Variants in PPP4R3B observed in about 807,000 individuals in gnomAD.
PPP4R3B encodes protein phosphatase 4 regulatory subunit 3B.
A neutral mutation model predicts 95.4 loss-of-function variants in PPP4R3B; 52 were observed. The ratio of observed to expected loss-of-function variants is 0.54; its 90% CI spans 0.44 to 0.69. PPP4R3B has a LOEUF of 0.69. PPP4R3B is among the 30% of genes least tolerant of loss of function. The pLI is 0.00. For missense variants in PPP4R3B, 1,003 were observed against 1,005.9 expected (o/e 1.00, Z 0.04); for synonymous variants, 407 against 343.9 (o/e 1.18, Z -2.03).
chr2:55,578,419 A>G (rs2104183953), intron 9 of PPP4R3B, 77 bp from the exon 10 acceptor site: 2 of 1,175,226 alleles, frequency 1.7e-6, no homozygotes, highest in Non-Finnish European at 2.2e-6. Flanking sequence ...TATTATCTAT[A>G]TATTTCTGTA....
intron 4 of PPP4R3B, 95 bp downstream of exon 4, chr2:55,598,321 T>A (rs1692080000): frequency 7.9e-7 from 1 of 1,261,916 alleles, no homozygotes; most frequent in South Asian, 1.6e-5. Context: ...ACAAAATAAA[T>A]CTTTCAAAAA....
chr2:55,614,175 T>G (rs1258113708), intron 2 of PPP4R3B: 1 of 152,224 alleles, frequency 6.6e-6, no homozygotes, highest in Non-Finnish European at 1.5e-5. Flanking sequence ...AATAATAAGC[T>G]GCACAACAGA....
chr2:55,598,778 T>C lies in PPP4R3B; in HGVS notation c.559A>G (p.Asn187Asp). 2 of 1,614,238 alleles carry C rather than the reference T, an allele frequency of 1.2e-6. No homozygotes were observed. Among genetic ancestry groups the C allele is most frequent in the Non-Finnish European group, 8.5e-7 (1 of 1,180,044 alleles). Residue 187 changes from asparagine to aspartate, a missense_variant, in exon 4 of 17, where the codon AAC (asparagine) becomes GAC (aspartate). Coordinates refer to ENST00000616407, the MANE Select transcript of PPP4R3B (RefSeq NM_001122964.3). The part of the protein sequence containing the change: ...QLFQACENLE[N>D]TEGLHHLYEI... ...TACAAATGGTGTAAGCCTTCAGTGT[T>C]TTCTAGGTTCTCGCAAGCTTGGAAC...
At position 55,549,324 on chromosome 2, in the gene PPP4R3B, A is replaced by G. The variant is rs1684995685; in HGVS notation, c.*587T>C. 2.0e-5 allele frequency: 3 copies of G among 152,784 alleles called. No homozygotes were observed. The South Asian group carries it at 6.2e-4, about 32-fold the overall frequency. The allele number at this position is 152,784 out of a possible 1,614,324, so 9.5% of individuals were successfully genotyped here. Reference sequence around the variant, plus strand: ...GAAAATTCCTGGTGTAGAAAACTCAACATGTGCTGAATACGGGGTGTACTT... The same window carrying G: ...GAAAATTCCTGGTGTAGAAAACTCAGCATGTGCTGAATACGGGGTGTACTT... On this transcript the variant is annotated 3_prime_UTR_variant, in exon 17 of 17. Coordinates refer to ENST00000616407, the MANE Select transcript of PPP4R3B (RefSeq NM_001122964.3).
intron 13 of PPP4R3B, among the ~76,000 whole-genome samples, chr2:55,566,331 C>T (rs1224260097): frequency 6.6e-6 from 1 of 152,110 alleles, no homozygotes; most frequent in Non-Finnish European, 1.5e-5. Context: ...GTACACAAAT[C>T]GACCACTCGA....
intron 12 of PPP4R3B, among the ~76,000 whole-genome samples, chr2:55,571,633 G>C (rs1394693858): frequency 6.6e-6 from 1 of 151,984 alleles, no homozygotes; most frequent in Non-Finnish European, 1.5e-5. Context: ...TTGTTTGTTT[G>C]TTTGTTTCTT....
chr2:55,599,050 C>A lies in PPP4R3B; in HGVS notation c.298-11G>T. The A allele has an allele frequency of 6.3e-7, 1 of 1,583,710 alleles. No homozygotes were observed. Among genetic ancestry groups the A allele is most frequent in the African/African-American group, 1.4e-5 (1 of 73,322 alleles). ...GTCTTTACCTTGAACCTAAAAATAT[C>A]CAAGTATACAGCTAATTACCTTAAA... On this transcript the variant is annotated splice_polypyrimidine_tract_variant and intron_variant, in intron 3 of 16. Coordinates refer to ENST00000616407, the MANE Select transcript of PPP4R3B (RefSeq NM_001122964.3).
chr2:55,570,832 C>G (rs529000226), intron 12 of PPP4R3B, among the ~76,000 whole-genome samples: 79 of 152,316 alleles, frequency 5.2e-4, no homozygotes, highest in African/African-American at 1.8e-3. Context: ...ACAATCTTCC[C>G]TCTTTTTGTG....
intron 2 of PPP4R3B, among the ~76,000 whole-genome samples, chr2:55,605,226 C>A (rs1454803600): frequency 6.6e-6 from 1 of 152,078 alleles, no homozygotes; most frequent in Non-Finnish European, 1.5e-5. Flanking sequence ...TTTAACGTGG[C>A]TAAAACTTTG....
intron 13 of PPP4R3B, among the ~76,000 whole-genome samples, chr2:55,566,237 T>TA (rs1687283136): frequency 6.6e-6 from 1 of 152,092 alleles, no homozygotes; most frequent in Admixed American, 6.5e-5. Context: ...TGAAAAAAAA[T>TA]ACGCAAATCA....
At chr2:55,561,290 A>G (rs1686584350) in intron 15 of PPP4R3B, among the ~76,000 whole-genome samples, 1 of 152,202 alleles carries the variant, frequency 6.6e-6, no homozygotes, top group Admixed American at 6.5e-5. Context: ...ATTTCAGAAG[A>G]CATATAGAAA....
chr2:55,603,829 C>T, intron 3 of PPP4R3B, 149 bp downstream of exon 3: 1 of 500,438 alleles, frequency 2.0e-6, no homozygotes, highest in Non-Finnish European at 3.5e-6. Context: ...AAATAATTTG[C>T]CGTAGAATAT....
chr2:55,561,822 T>C (rs1389989436), intron 15 of PPP4R3B, among the ~76,000 whole-genome samples: 1 of 152,208 alleles, frequency 6.6e-6, no homozygotes, highest in Non-Finnish European at 1.5e-5. Context: ...TTTTATTTTA[T>C]AGGATCACAG....
intron 16 of PPP4R3B, among the ~76,000 whole-genome samples, chr2:55,553,431 C>A (rs1379693763): frequency 6.6e-6 from 1 of 152,136 alleles, no homozygotes; most frequent in Non-Finnish European, 1.5e-5. Flanking sequence ...TAAGTCCATA[C>A]CATAAAGTCA....
At chr2:55,592,211 G>C (rs950307737) in intron 4 of PPP4R3B, among the ~76,000 whole-genome samples, 1 of 152,198 alleles carries the variant, frequency 6.6e-6, no homozygotes, top group African/African-American at 2.4e-5. Context: ...TACAGAGACT[G>C]TCAAGTCCAA....
chr2:55,591,722 A>C, intron 4 of PPP4R3B: 1 of 882,812 alleles, frequency 1.1e-6, no homozygotes, highest in Non-Finnish European at 1.4e-6. Flanking sequence ...AGATAGAGGC[A>C]ATCTCAATTA....
At chr2:55,573,404 CA>C (rs1688253459) in intron 12 of PPP4R3B, among the ~76,000 whole-genome samples, 1 of 152,126 alleles carries the variant, frequency 6.6e-6, no homozygotes, top group Non-Finnish European at 1.5e-5. Flanking sequence ...TGTATCACAA[CA>C]AAAGTTAGGC....
Position 55,558,760 on chromosome 2 carries a change from T to C in PPP4R3B, c.2454+15A>G, listed in dbSNP as rs755977482. 6.4e-7 allele frequency: 1 copy of C among 1,567,300 alleles called. No homozygotes were observed. The highest frequency in any genetic ancestry group is 1.2e-5 in the South Asian group (1 of 84,608). On this transcript the variant is annotated intron_variant, in intron 16 of 16. Transcript: ENST00000616407. ...CGGGAAAAGCAAAGTTTGTGTGTAA[T>C]GCTGTTTCACCTACCTTGGTGGCTG...
intron 15 of PPP4R3B, among the ~76,000 whole-genome samples, chr2:55,559,251 C>T (rs989900798): frequency 3.9e-5 from 6 of 151,966 alleles, no homozygotes; most frequent in African/African-American, 1.5e-4. Context: ...GAGGCTGAGG[C>T]AGGAGAATCA....
Sources: allele counts gnomAD v4.1 joint callset (sites outside exome capture counted in the v4.1 genomes callset), GRCh38; gene constraint gnomAD v4.1.1; transcripts MANE v1.5; gene names NCBI Gene and HGNC (gene_info 2026-07-23, HGNC 2026-07-21).